Variants in CCT5 observed in about 807,000 individuals in gnomAD.
CCT5 encodes T-complex protein 1 subunit epsilon.
A neutral mutation model predicts 55.0 loss-of-function variants in CCT5; 6 were observed. That is an observed-to-expected ratio of 0.11 (90% confidence interval 0.06 to 0.22). CCT5 has a LOEUF of 0.22. Ranked by LOEUF, CCT5 falls within the 10% of genes least tolerant of loss-of-function variation. CCT5 has a pLI of 1.00. For synonymous variants in CCT5, 231 were observed against 243.7 expected (o/e 0.95, Z 0.49); for missense variants, 560 against 694.6 (o/e 0.81, Z 2.18).
rs2244717 is a variant in CCT5 at position 10,261,854 on chromosome 5, G to A, written c.1179+109G>A. On this transcript the variant is annotated intron_variant, in intron 8 of 10. Coordinates refer to ENST00000280326, the MANE Select transcript of CCT5 (RefSeq NM_012073.5). The stretch of plus-strand genomic sequence containing the variant: ...CACAGTCACCATAAGAAAAATAATC[G>A]TGGTTCTCAAACAATGACGTATCAT... 0.81 allele frequency: 703,515 copies of A among 870,872 alleles called. 289,740 individuals are homozygous for A. Among genetic ancestry groups the A allele is most frequent in the East Asian group, 0.89 (36,202 of 40,718 alleles). 53.9% of individuals were successfully genotyped at this position (870,872 alleles called of 1,614,324 possible).
At chr5:10,250,128 C>G, upstream of CCT5, 1 of 1,534,524 alleles carries the variant, frequency 6.5e-7, no homozygotes, top group Non-Finnish European at 8.7e-7. Flanking sequence ...CAAACCTCCC[C>G]CTCCCCGGCT....
At position 10,265,118 on chromosome 5, in the gene CCT5, T is replaced by TAG. The variant is rs1746157231; in HGVS notation, c.*336_*337dup. On this transcript the variant is annotated 3_prime_UTR_variant, in exon 11 of 11. Coordinates refer to ENST00000280326, the MANE Select transcript of CCT5 (RefSeq NM_012073.5). ...GATTTTTTTTTCTCAAAATAAGCTG[T>TAG]AGGGACTATTTTAACAGCTTAAACA... The TAG allele has an allele frequency of 3.4e-6, 1 of 290,516 alleles. No homozygotes were observed. Among genetic ancestry groups the TAG allele is most frequent in the South Asian group, 3.5e-5 (1 of 28,792 alleles). The allele number at this position is 290,516 out of a possible 1,614,324, so 18.0% of individuals were successfully genotyped here. A position where few individuals can be genotyped will look rare whatever the true frequency, so the allele number is the denominator to read the frequency against.
At position 10,260,814 on chromosome 5, in the gene CCT5, T is replaced by C; in HGVS notation, c.896T>C (p.Leu299Pro). Reference sequence around the variant, plus strand: ...CAGATTAAAGAGACTGGTGCTAACCTAGCAATTTGTCAGTGGGGCTTTGAT... The same window carrying C: ...CAGATTAAAGAGACTGGTGCTAACCCAGCAATTTGTCAGTGGGGCTTTGAT... ...IQQIKETGAN[L>P]AICQWGFDDE... Residue 299 changes from leucine to proline, a missense_variant, in exon 7 of 11, where the codon CTA becomes CCA. Physicochemically the swap from Leu to Pro is moderately conservative, Grantham distance 98 (BLOSUM62 -3). Transcript: ENST00000280326. 6.2e-7 allele frequency: 1 copy of C among 1,614,048 alleles called. No homozygotes were observed. The highest frequency in any genetic ancestry group is 8.5e-7 in the Non-Finnish European group (1 of 1,179,972).
At chr5:10,258,035 A>G in intron 4 of CCT5, 76 bp from the exon 5 acceptor site, 4 of 1,405,220 alleles carry the variant, frequency 2.8e-6, no homozygotes, top group Non-Finnish European at 4.0e-6. Flanking sequence ...TCTTTGAGTA[A>G]CATTGTGTTA....
At chr5:10,250,827 C>A (rs1325766266) in intron 1 of CCT5, 13 of 1,093,580 alleles carry the variant, frequency 1.2e-5, no homozygotes, top group Non-Finnish European at 1.5e-5. Flanking sequence ...TCGGTTAAGG[C>A]GCTGCTGCTT....
At chr5:10,259,715 C>T (rs747991757) in intron 6 of CCT5, among the ~76,000 whole-genome samples, 6 of 152,088 alleles carry the variant, frequency 3.9e-5, no homozygotes, top group Non-Finnish European at 8.8e-5. Context: ...AGCATGCTGG[C>T]GGGAGCTTAT....
intron 10 of CCT5, 24 bp from the exon 11 acceptor site, chr5:10,264,626 TAGGATA>T: frequency 1.4e-6 from 2 of 1,381,018 alleles, no homozygotes; most frequent in Non-Finnish European, 2.1e-6. Context: ...TATGCTATTT[TAGGATA>T]ATCAGTGTCC....
chr5:10,259,082 C>T (rs1405927360), intron 6 of CCT5, among the ~76,000 whole-genome samples: 1 of 152,214 alleles, frequency 6.6e-6, no homozygotes, highest in Admixed American at 6.5e-5. Flanking sequence ...TATTTGCCGT[C>T]CTGGACAAAT....
chr5:10,261,521 A>G (rs780097467), intron 7 of CCT5, 39 bp from the exon 8 acceptor site: 3 of 1,598,840 alleles, frequency 1.9e-6, no homozygotes, highest in Admixed American at 1.7e-5. Context: ...TAACTTCACC[A>G]GTACTGTCTT....
chr5:10,252,081 C>T (rs1319065735), intron 1 of CCT5, among the ~76,000 whole-genome samples: 2 of 152,236 alleles, frequency 1.3e-5, no homozygotes, highest in Admixed American at 6.5e-5. Context: ...GAGCAGCATT[C>T]TCAAGTTTGG....
chr5:10,263,498 G>T (rs1746080108), intron 10 of CCT5, among the ~76,000 whole-genome samples, 184 bp downstream of exon 10: 1 of 152,216 alleles, frequency 6.6e-6, no homozygotes, highest in Non-Finnish European at 1.5e-5. Context: ...ACTAGACCTA[G>T]CAACATGAGA....
At chr5:10,252,929 T>TAAG (rs1033966859) in intron 1 of CCT5, among the ~76,000 whole-genome samples, 1 of 151,442 alleles carries the variant, frequency 6.6e-6, no homozygotes, top group African/African-American at 2.4e-5. Context: ...TCCTTAAAAA[T>TAAG]AATAATAATA....
At chr5:10,255,349 T>C (rs1745619116) in intron 3 of CCT5, among the ~76,000 whole-genome samples, 1 of 152,122 alleles carries the variant, frequency 6.6e-6, no homozygotes, top group African/African-American at 2.4e-5. Context: ...GGTATTCGTT[T>C]TAGTATTGTA....
intron 1 of CCT5, chr5:10,250,671 G>A: frequency 4.3e-6 from 6 of 1,405,142 alleles, no homozygotes; most frequent in Non-Finnish European, 5.6e-6. Flanking sequence ...TGGGCCGCCA[G>A]CGCCCTTCGG....
At chr5:10,261,272 C>T in intron 7 of CCT5, 4 of 503,368 alleles carry the variant, frequency 7.9e-6, no homozygotes, top group Non-Finnish European at 1.4e-5. Context: ...GCTGGGTTCC[C>T]AGAGTGAGGG....
At chr5:10,263,376 A>T in intron 10 of CCT5, 62 bp downstream of exon 10, 1 of 1,434,132 alleles carries the variant, frequency 7.0e-7, no homozygotes, top group Non-Finnish European at 9.8e-7. Context: ...CTGAATAATC[A>T]TCCACTGTAT....
Position 10,264,644 on chromosome 5 carries a change from T to C in CCT5, c.1499-12T>C. On this transcript the variant is annotated splice_polypyrimidine_tract_variant and intron_variant, in intron 10 of 10. Coordinates refer to ENST00000280326, the MANE Select transcript of CCT5 (RefSeq NM_012073.5). ...GCTATTTTAGGATAATCAGTGTCCT[T>C]GTATTTTTCAGATATGAAGCAACAG... is the stretch of plus-strand genomic sequence containing the variant. The C allele has an allele frequency of 6.4e-7, 1 of 1,569,146 alleles. No individual in the cohort carries two copies. The highest frequency in any genetic ancestry group is 1.1e-5 in the South Asian group (1 of 90,134).
At chr5:10,259,458 T>A (rs1205800316) in intron 6 of CCT5, among the ~76,000 whole-genome samples, 1 of 152,214 alleles carries the variant, frequency 6.6e-6, no homozygotes, top group Admixed American at 6.5e-5. Context: ...TACCAGGCTC[T>A]GTTGTAGGCA....
In CCT5 at chr5:10,266,207, T is replaced by C. The variant is rs1302320575; in HGVS notation, c.*1424T>C. On this transcript the variant is annotated 3_prime_UTR_variant, in exon 11 of 11. Transcript: ENST00000280326. ...CAGCCTTCTTTGGACCACAGTCTTA[T>C]CCGAGGGGTCTGTGGTTGTATCAGA... 1.3e-5 allele frequency: 2 copies of C among 152,204 alleles called. No individual in the cohort carries two copies. Among genetic ancestry groups the C allele is most frequent in the East Asian group, 1.9e-4 (1 of 5,200 alleles). 9.4% of individuals were successfully genotyped at this position (152,204 alleles called of 1,614,324 possible).
Sources: gnomAD v4.1 joint callset for allele counts (sites outside exome capture counted in the v4.1 genomes callset) on GRCh38, gnomAD v4.1.1 for gene constraint, MANE v1.5 for transcripts, NCBI Gene and HGNC (gene_info 2026-07-23, HGNC 2026-07-21) for gene names.